Variants in AHI1 observed in about 807,000 individuals in gnomAD.
AHI1 encodes the protein Abelson helper integration site 1.
Under a neutral mutation model 149.3 loss-of-function variants are expected in AHI1, and 123 were observed. That is an observed-to-expected ratio of 0.82 (90% CI 0.71 to 0.96). The LOEUF (loss-of-function observed/expected upper bound fraction) is 0.96, where lower values mean the gene tolerates loss of function less well. Among genes scored for constraint, AHI1 ranks in the 40% least tolerant of loss-of-function variants. The pLI is 0.00. For missense variants in AHI1, 1,439 were observed against 1,422.7 expected (o/e 1.01, Z -0.18); for synonymous variants, 475 against 459.8 (o/e 1.03, Z -0.42).
intron 11 of AHI1, among the ~76,000 whole-genome samples, chr6:135,448,777 A>T (rs1402434642): frequency 1.3e-5 from 2 of 152,212 alleles, no homozygotes; most frequent in East Asian, 3.8e-4. Flanking sequence ...TGAACAAAGG[A>T]AGTGATCAAT....
intron 16 of AHI1, among the ~76,000 whole-genome samples, chr6:135,431,535 A>G (rs755012537): frequency 6.6e-6 from 1 of 152,136 alleles, no homozygotes; most frequent in Non-Finnish European, 1.5e-5. Flanking sequence ...ATTTTTGATG[A>G]CTTCTTTCCC....
intron 24 of AHI1, among the ~76,000 whole-genome samples, chr6:135,327,364 C>G (rs1392970065): frequency 6.6e-6 from 1 of 152,232 alleles, no homozygotes; most frequent in Non-Finnish European, 1.5e-5. Flanking sequence ...TGTCATAAAA[C>G]TCTACAACCA....
intron 23 of AHI1, among the ~76,000 whole-genome samples, chr6:135,358,652 A>T (rs1402012108): frequency 6.6e-6 from 1 of 152,212 alleles, no homozygotes; most frequent in South Asian, 2.1e-4. Context: ...TCCTACTATG[A>T]CATACTCTAT....
intron 11 of AHI1, 68 bp downstream of exon 11, chr6:135,453,273 T>C: frequency 1.6e-6 from 2 of 1,219,394 alleles, no homozygotes; most frequent in South Asian, 2.6e-5. Flanking sequence ...CCAAACTGAT[T>C]TGGGAGAAAG....
At chr6:135,335,242 T>C (rs886209054) in intron 24 of AHI1, among the ~76,000 whole-genome samples, 5 of 152,198 alleles carry the variant, frequency 3.3e-5, no homozygotes, top group African/African-American at 1.2e-4. Context: ...TCATTTTTTT[T>C]CAACAATCTT....
intron 22 of AHI1, among the ~76,000 whole-genome samples, chr6:135,398,279 A>C (rs1779538294): frequency 6.6e-6 from 1 of 152,118 alleles, no homozygotes; most frequent in African/African-American, 2.4e-5. Flanking sequence ...CTATGGTATT[A>C]TAAAGAGCAA....
chr6:135,340,680 T>C (rs564725855), intron 24 of AHI1, among the ~76,000 whole-genome samples: 1 of 135,558 alleles, frequency 7.4e-6, no homozygotes, highest in East Asian at 2.1e-4. Flanking sequence ...TATATATATA[T>C]ATATATATAT....
chr6:135,421,733 C>T (rs1783190860), intron 20 of AHI1, among the ~76,000 whole-genome samples: 1 of 151,998 alleles, frequency 6.6e-6, no homozygotes, highest in Non-Finnish European at 1.5e-5. Context: ...TTAAGTTTTC[C>T]ATATGTCTTG....
chr6:135,489,670 G>A (rs143745060), intron 5 of AHI1, among the ~76,000 whole-genome samples: 3 of 152,078 alleles, frequency 2.0e-5, no homozygotes, highest in African/African-American at 4.8e-5. Flanking sequence ...TCAGTAGTTC[G>A]AAATTTTTGT....
intron 24 of AHI1, among the ~76,000 whole-genome samples, chr6:135,329,771 G>C (rs1176655905): frequency 1.3e-5 from 2 of 152,188 alleles, no homozygotes; most frequent in Non-Finnish European, 2.9e-5. Flanking sequence ...AAACCTTCTG[G>C]AAAGGATGCA....
intron 24 of AHI1, among the ~76,000 whole-genome samples, chr6:135,333,029 G>A (rs1332090431): frequency 6.6e-6 from 1 of 152,164 alleles, no homozygotes; most frequent in East Asian, 1.9e-4. Flanking sequence ...CCATCCTGTT[G>A]TTGTGTCTTC....
At chr6:135,471,611 G>A (rs1000906660) in intron 5 of AHI1, among the ~76,000 whole-genome samples, 2 of 151,992 alleles carry the variant, frequency 1.3e-5, no homozygotes, top group African/African-American at 4.8e-5. Flanking sequence ...AAATACATTT[G>A]TTCATTCATG....
chr6:135,394,993 A>G, intron 22 of AHI1, 97 bp from the exon 23 acceptor site: 1 of 1,282,428 alleles, frequency 7.8e-7, no homozygotes, highest in Non-Finnish European at 1.1e-6. Context: ...ACAAACCAGG[A>G]CACATGATAG....
intron 24 of AHI1, among the ~76,000 whole-genome samples, chr6:135,331,188 A>G (rs1462975271): frequency 6.6e-6 from 1 of 152,230 alleles, no homozygotes; most frequent in Non-Finnish European, 1.5e-5. Context: ...TGACAGAGTA[A>G]TTAAGAAATC....
intron 23 of AHI1, among the ~76,000 whole-genome samples, chr6:135,389,394 CA>C (rs1778134825): frequency 6.6e-6 from 1 of 151,322 alleles, no homozygotes; most frequent in Non-Finnish European, 1.5e-5. Flanking sequence ...ATCTCTTAAC[CA>C]ATACCACAGT....
chr6:135,392,952 T>C (rs1778718884), intron 23 of AHI1, among the ~76,000 whole-genome samples: 1 of 152,200 alleles, frequency 6.6e-6, no homozygotes, highest in Non-Finnish European at 1.5e-5. Context: ...TATTATGCTT[T>C]TGAAATTTTT....
At chr6:135,287,610 A>G (rs1431425939) in intron 28 of AHI1, among the ~76,000 whole-genome samples, 1 of 152,238 alleles carries the variant, frequency 6.6e-6, no homozygotes, top group Non-Finnish European at 1.5e-5. Context: ...ATGCAAAGCC[A>G]TTCCTTCTCT....
At chr6:135,437,396 A>T (rs946832264) in intron 15 of AHI1, among the ~76,000 whole-genome samples, 7 of 152,258 alleles carry the variant, frequency 4.6e-5, no homozygotes, top group Non-Finnish European at 7.3e-5. Context: ...CTAAAAGAAC[A>T]GATCAGATAG....
chr6:135,288,593 T>A (rs574537129), intron 28 of AHI1, among the ~76,000 whole-genome samples: 103 of 152,134 alleles, frequency 6.8e-4, no homozygotes, highest in African/African-American at 2.4e-3. Flanking sequence ...TTTATAATCA[T>A]TTTTTACTTA....
Sources: allele counts gnomAD v4.1 joint callset (sites outside exome capture counted in the v4.1 genomes callset), GRCh38; gene constraint gnomAD v4.1.1; transcripts MANE v1.5; gene names NCBI Gene and HGNC (gene_info 2026-07-23, HGNC 2026-07-21).